Variants in BMPER observed in about 807,000 individuals in gnomAD.
The protein encoded by BMPER is BMP binding endothelial regulator, also known as BMP-binding endothelial regulator protein.
A neutral mutation model predicts 87.3 loss-of-function variants in BMPER; 45 were observed. That is an observed-to-expected ratio of 0.52 (90% CI 0.41 to 0.66). The LOEUF (loss-of-function observed/expected upper bound fraction) is 0.66, where lower values mean the gene tolerates loss of function less well. Among genes scored for constraint, BMPER ranks in the 30% least tolerant of loss-of-function variants. BMPER has a pLI of 0.00. For synonymous variants in BMPER, 326 were observed against 316.2 expected (o/e 1.03, Z -0.33); for missense variants, 784 against 867.5 (o/e 0.90, Z 1.21).
intron 11 of BMPER, among the ~76,000 whole-genome samples, chr7:34,072,711 A>G (rs1275966001): frequency 6.6e-6 from 1 of 152,194 alleles, no homozygotes; most frequent in Non-Finnish European, 1.5e-5. Flanking sequence ...GGTTCTGGGC[A>G]TTAGGAGGTG....
At chr7:34,011,155 T>C (rs1302564632) in intron 6 of BMPER, among the ~76,000 whole-genome samples, 1 of 151,890 alleles carries the variant, frequency 6.6e-6, no homozygotes, top group East Asian at 1.9e-4. Context: ...AGGAGATTAC[T>C]GTAAGCAGCA....
intron 11 of BMPER, among the ~76,000 whole-genome samples, chr7:34,077,415 T>G (rs1367755411): frequency 6.6e-6 from 1 of 152,088 alleles, no homozygotes; most frequent in African/African-American, 2.4e-5. Context: ...TGAATTTGAG[T>G]ATTACTGCTG....
At chr7:33,909,532 T>G (rs573855462) in intron 2 of BMPER, among the ~76,000 whole-genome samples, 2 of 152,264 alleles carry the variant, frequency 1.3e-5, no homozygotes, top group East Asian at 3.9e-4. Flanking sequence ...TTAGCTGGTT[T>G]TATGTATGTA....
chr7:33,971,781 C>A (rs2128618998), intron 5 of BMPER, among the ~76,000 whole-genome samples: 1 of 152,356 alleles, frequency 6.6e-6, no homozygotes, highest in African/African-American at 2.4e-5. Flanking sequence ...CAGATAATTT[C>A]TGTACACAGC....
intron 6 of BMPER, among the ~76,000 whole-genome samples, chr7:34,017,840 T>G (rs1227658409): frequency 4.0e-5 from 6 of 151,758 alleles, no homozygotes. Context: ...TTGATTGGTA[T>G]AGAAGCCTGA....
At chr7:34,044,595 A>G (rs1787911249) in intron 6 of BMPER, among the ~76,000 whole-genome samples, 1 of 152,184 alleles carries the variant, frequency 6.6e-6, no homozygotes, top group African/African-American at 2.4e-5. Context: ...AAGTCTGATG[A>G]AAGGCCTCTA....
At chr7:34,122,270 T>G (rs1380400589) in intron 13 of BMPER, among the ~76,000 whole-genome samples, 1 of 152,192 alleles carries the variant, frequency 6.6e-6, no homozygotes, top group Non-Finnish European at 1.5e-5. Context: ...AATTTGCATT[T>G]TCACCTAGCT....
intron 6 of BMPER, among the ~76,000 whole-genome samples, chr7:33,977,660 A>G (rs939688863): frequency 6.6e-6 from 1 of 152,148 alleles, no homozygotes; most frequent in Non-Finnish European, 1.5e-5. Context: ...ATATATAGAG[A>G]GAAATATAAA....
At position 34,043,843 on chromosome 7, in the gene BMPER, C is replaced by T. The variant is rs531904670; in HGVS notation, c.577-2463C>T. 3.3e-5 allele frequency among the ~76,000 whole-genome samples: 5 copies of T among 152,264 alleles called. No homozygotes were observed. The South Asian group carries it at 6.2e-4, about 19-fold the overall frequency. ...AGAGAAGCCAATCAGAAAGCTACTG[C>T]GATCATCTGATAGTACATTTACAGT... On this transcript the variant is annotated intron_variant, in intron 6 of 14. Coordinates refer to ENST00000649409, the MANE Select transcript of BMPER (RefSeq NM_001365308.1).
At chr7:34,055,755 T>C (rs1788268959) in intron 9 of BMPER, among the ~76,000 whole-genome samples, 1 of 152,190 alleles carries the variant, frequency 6.6e-6, no homozygotes, top group African/African-American at 2.4e-5. Context: ...AGGATGTTAA[T>C]AGTGTATGTA....
chr7:34,044,292 A>G (rs76770484), intron 6 of BMPER, among the ~76,000 whole-genome samples: 2 of 152,204 alleles, frequency 1.3e-5, no homozygotes, highest in Non-Finnish European at 2.9e-5. Flanking sequence ...CTCTTTTGCA[A>G]TTGTGCAATA....
chr7:33,971,068 C>G (rs1785532353), intron 5 of BMPER, among the ~76,000 whole-genome samples: 6 of 152,022 alleles, frequency 3.9e-5, no homozygotes, highest in Admixed American at 3.9e-4. Context: ...TCTCTTAAGC[C>G]ACTGGCCAAT....
chr7:34,038,127 G>A (rs1188152233), intron 6 of BMPER, among the ~76,000 whole-genome samples: 1 of 152,280 alleles, frequency 6.6e-6, no homozygotes, highest in East Asian at 1.9e-4. Context: ...ACCTTACATG[G>A]CACAAGAGAC....
In BMPER at chr7:34,100,316, G is replaced by A. The variant is rs534686037; in HGVS notation, c.1745+14224G>A. Among the ~76,000 whole-genome samples the A allele has an allele frequency of 1.2e-3, 181 of 152,298 alleles. 1 individual carries two copies. Among genetic ancestry groups the A allele is most frequent in the African/African-American group, 4.1e-3 (169 of 41,568 alleles). On this transcript the variant is annotated intron_variant, in intron 13 of 14. Transcript: ENST00000649409. ...TACAGGAGGGTCAGACCTACTATGC[G>A]TATGTGTGTGGGGAGGGGAAAAGCA...
upstream of BMPER, chr7:33,905,438 T>TCCCCCCCCCCCCCCCCCCACC: frequency 4.3e-5 from 1 of 23,006 alleles, no homozygotes; most frequent in Non-Finnish European, 8.2e-5. Context: ...CCTTGGTCTC[T>TCCCCCCCCCCCCCCCCCCACC]CCCCCCGCCC....
intron 11 of BMPER, among the ~76,000 whole-genome samples, chr7:34,065,604 G>GTAAAGAGTAAAGAGTAA (rs1294183980): frequency 1.3e-5 from 2 of 152,164 alleles, no homozygotes; most frequent in African/African-American, 4.8e-5. Context: ...AGAGTAAAGT[G>GTAAAGAGTAAAGAGTAA]AGACTGGAAG....
chr7:34,122,901 C>T (rs751746187), intron 13 of BMPER, among the ~76,000 whole-genome samples: 2 of 152,162 alleles, frequency 1.3e-5, no homozygotes, highest in Non-Finnish European at 2.9e-5. Flanking sequence ...ATATAATGCT[C>T]TTCTCAGAGT....
At chr7:34,142,859 T>G (rs1049316516) in intron 13 of BMPER, among the ~76,000 whole-genome samples, 3 of 152,214 alleles carry the variant, frequency 2.0e-5, no homozygotes, top group Non-Finnish European at 4.4e-5. Context: ...GCTATTTATA[T>G]CTAAGTTAAT....
chr7:33,968,144 CTGACCTGTAAAA>C (rs925433665), intron 4 of BMPER, among the ~76,000 whole-genome samples: 1 of 152,176 alleles, frequency 6.6e-6, no homozygotes, highest in Non-Finnish European at 1.5e-5. Context: ...TCAGGAGATG[CTGACCTGTAAAA>C]TGGGGAAGAG....
Sources: allele counts gnomAD v4.1 joint callset (sites outside exome capture counted in the v4.1 genomes callset), GRCh38; gene constraint gnomAD v4.1.1; transcripts MANE v1.5; gene names NCBI Gene and HGNC (gene_info 2026-07-23, HGNC 2026-07-21).